PDE3A: variants seen among roughly 807,000 people sequenced by gnomAD.
PDE3A encodes the protein phosphodiesterase 3A, also known as cGMP-inhibited 3',5'-cyclic phosphodiesterase 3A.
PDE3A carries 43 observed loss-of-function variants against 98.3 expected under a neutral mutation model. The ratio of observed to expected loss-of-function variants is 0.44; its 90% CI spans 0.34 to 0.56. The LOEUF (loss-of-function observed/expected upper bound fraction) is 0.56, where lower values mean the gene tolerates loss of function less well. Ranked by LOEUF, PDE3A falls within the 20% of genes least tolerant of loss-of-function variation. PDE3A has a pLI of 0.01. For missense variants in PDE3A, 1,427 were observed against 1,440.7 expected (o/e 0.99, Z 0.15); for synonymous variants, 663 against 567.9 (o/e 1.17, Z -2.38).
Position 20,552,234 on chromosome 12 carries a change from G to A in PDE3A, c.961-4426G>A, listed in dbSNP as rs1942230891. 2 of 1,613,864 alleles carry A rather than the reference G, an allele frequency of 1.2e-6. No individual in the cohort carries two copies. Among genetic ancestry groups the A allele is most frequent in the African/African-American group, 2.7e-5 (2 of 74,918 alleles). ...GGCGGTCGGGGAAGCCGGTCAGGGT[G>A]GTGCGCAATGTCAAGGGTGGCAAGA... is the stretch of plus-strand genomic sequence containing the variant. On this transcript the variant is annotated intron_variant, in intron 1 of 15. Coordinates refer to ENST00000359062, the MANE Select transcript of PDE3A (RefSeq NM_000921.5). The surrounding 1 kb of genome is among the most constrained non-coding windows in gnomAD (Gnocchi z 5.1).
At chr12:20,478,907 G>T (rs1945576177) in intron 1 of PDE3A, among the ~76,000 whole-genome samples, 1 of 152,112 alleles carries the variant, frequency 6.6e-6, no homozygotes, top group South Asian at 2.1e-4. Context: ...ATGTCTACCA[G>T]CCTTCTGAAT....
Position 20,639,915 on chromosome 12 carries a change from A to T in PDE3A, c.2209A>T (p.Asn737Tyr). Reference sequence around the variant, plus strand: ...TAAAATTCCAATTAGGGAATTTATGAATTATTTTCATGCTTTGGAGATTGG... The same window carrying T: ...TAAAATTCCAATTAGGGAATTTATGTATTATTTTCATGCTTTGGAGATTGG... ...AFKIPIREFMNYFHALEIGYR... is the reference protein window; with the variant it reads ...AFKIPIREFMYYFHALEIGYR... Residue 737 changes from asparagine (N) to tyrosine (Y), a missense_variant, in exon 10 of 16, where the codon AAT (asparagine) becomes TAT (tyrosine). Asn to Tyr is a moderately radical substitution (Grantham distance 143). Around this residue, in one of 3 missense-constraint regions of PDE3A, gnomAD observed 273 missense variants for 420.3 expected, o/e 0.65. Coordinates refer to ENST00000359062, the MANE Select transcript of PDE3A (RefSeq NM_000921.5). The T allele has an allele frequency of 6.4e-7, 1 of 1,563,764 alleles. No individual in the cohort carries two copies. The highest frequency in any genetic ancestry group is 8.8e-7 in the Non-Finnish European group (1 of 1,135,074).
At chr12:20,475,597 G>C (rs1488745657) in intron 1 of PDE3A, among the ~76,000 whole-genome samples, 1 of 151,934 alleles carries the variant, frequency 6.6e-6, no homozygotes, top group Non-Finnish European at 1.5e-5. Flanking sequence ...AGACATGTTG[G>C]CACATGCCTG....
chr12:20,444,686 G>A (rs1350925510), intron 1 of PDE3A, among the ~76,000 whole-genome samples: 1 of 152,158 alleles, frequency 6.6e-6, no homozygotes, highest in Non-Finnish European at 1.5e-5. Flanking sequence ...GAACAAGCCA[G>A]GACTCAGTGT....
intron 15 of PDE3A, among the ~76,000 whole-genome samples, chr12:20,669,927 C>A (rs1945426071): frequency 6.6e-6 from 1 of 151,940 alleles, no homozygotes; most frequent in Admixed American, 6.6e-5. Flanking sequence ...GAGTCAAGAC[C>A]AATCAGTGTG....
At chr12:20,520,225 C>G (rs1946397332) in intron 1 of PDE3A, among the ~76,000 whole-genome samples, 1 of 152,008 alleles carries the variant, frequency 6.6e-6, no homozygotes, top group South Asian at 2.1e-4. Flanking sequence ...AATAAAAAAC[C>G]ATCTATGCCA....
At chr12:20,662,712 T>TA (rs140526545) in intron 15 of PDE3A, among the ~76,000 whole-genome samples, 4,253 of 152,318 alleles carry the variant, frequency 0.028, 86 homozygotes, top group Non-Finnish European at 0.043. Context: ...AGACATGGTT[T>TA]GGAATTGGAA....
intron 6 of PDE3A, among the ~76,000 whole-genome samples, chr12:20,631,170 A>G (rs1318611081): frequency 2.0e-5 from 3 of 152,128 alleles, no homozygotes; most frequent in Admixed American, 1.3e-4. Flanking sequence ...CCAGAGCCAA[A>G]GTTATTCTAC....
chr12:20,659,685 C>T (rs1400524860), intron 15 of PDE3A, among the ~76,000 whole-genome samples: 1 of 152,136 alleles, frequency 6.6e-6, no homozygotes, highest in East Asian at 1.9e-4. Context: ...GATCCTCTTG[C>T]TTCAGCCTCC....
At chr12:20,389,336 T>A (rs1476489272) in intron 1 of PDE3A, among the ~76,000 whole-genome samples, 1 of 151,782 alleles carries the variant, frequency 6.6e-6, no homozygotes, top group East Asian at 1.9e-4. Flanking sequence ...AAACTAGAGG[T>A]TATCCACTGA....
At chr12:20,566,893 C>T (rs187845627) in intron 2 of PDE3A, among the ~76,000 whole-genome samples, 37 of 151,914 alleles carry the variant, frequency 2.4e-4, no homozygotes, top group African/African-American at 8.4e-4. Flanking sequence ...TTCAGGTGTA[C>T]GGTGACTTAG....
At chr12:20,668,607 AG>A (rs1945386596) in intron 15 of PDE3A, among the ~76,000 whole-genome samples, 1 of 152,134 alleles carries the variant, frequency 6.6e-6, no homozygotes, top group African/African-American at 2.4e-5. Flanking sequence ...CTCACATGGC[AG>A]GGTACTCCAA....
chr12:20,398,051 GT>G (rs57766880), intron 1 of PDE3A, among the ~76,000 whole-genome samples: 3 of 137,506 alleles, frequency 2.2e-5, no homozygotes, highest in East Asian at 2.1e-4. Context: ...TTTTTTTTTT[GT>G]TTTTTTTTTC....
chr12:20,687,020 C>T lies in PDE3A; in HGVS notation c.*6749C>T, dbSNP rs1945984650. Among the ~76,000 whole-genome samples the T allele has an allele frequency of 2.0e-5, 3 of 152,034 alleles. No homozygotes were observed. The highest frequency in any genetic ancestry group is 7.2e-5 in the African/African-American group (3 of 41,414). ...TGACAAGGAGCACTTATACATGTTT[C>T]CAAATGTGAATTAGCCCTTGAATTA... On this transcript the variant is annotated 3_prime_UTR_variant, in exon 16 of 16. Transcript: ENST00000359062.
chr12:20,597,239 A>G (rs1418542611), intron 2 of PDE3A, among the ~76,000 whole-genome samples: 1 of 152,172 alleles, frequency 6.6e-6, no homozygotes, highest in Non-Finnish European at 1.5e-5. Context: ...CATTCTCAAA[A>G]ACCAGTAAGC....
chr12:20,561,565 T>A (rs548672278), intron 2 of PDE3A, among the ~76,000 whole-genome samples: 1 of 151,834 alleles, frequency 6.6e-6, no homozygotes, highest in Non-Finnish European at 1.5e-5. Context: ...TGTCAGGTAC[T>A]TTTTTTTAGC....
rs934024861 is a variant in PDE3A, at chr12:20,369,317, G to A, written c.33G>A (p.Arg11=). 3.9e-5 allele frequency: 61 copies of A among 1,545,016 alleles called. No homozygotes were observed. The highest frequency in any genetic ancestry group is 5.0e-5 in the Non-Finnish European group (57 of 1,144,314). Residue 11 remains arginine, a synonymous_variant, in exon 1 of 16, where the codon AGG becomes AGA. Coordinates refer to ENST00000359062, the MANE Select transcript of PDE3A (RefSeq NM_000921.5). The part of the protein sequence containing the change: MAVPGDAARV[R]DKPVHSGVSQ... ...TGCCCGGCGACGCTGCACGAGTCAG[G>A]GACAAGCCCGTCCACAGTGGGGTGA... is the stretch of plus-strand genomic sequence containing the variant.
At chr12:20,566,408 ATTTCC>A in intron 2 of PDE3A, among the ~76,000 whole-genome samples, 2 of 151,884 alleles carry the variant, frequency 1.3e-5, no homozygotes, top group Non-Finnish European at 2.9e-5. Context: ...CTCTACAACT[ATTTCC>A]ATTTTAGAAT....
Position 20,577,778 on chromosome 12 carries a change from A to T in PDE3A, c.1011+21068A>T, listed in dbSNP as rs567352199. ...CTGTGGCACAGAAATGGAATTTAAC[A>T]CATACAGGAAATGTGCAGTCATTTT... On this transcript the variant is annotated intron_variant, in intron 2 of 15. Transcript: ENST00000359062. Among the ~76,000 whole-genome samples, 7 of 152,312 alleles carry T rather than the reference A, an allele frequency of 4.6e-5. No individual in the cohort carries two copies. The South Asian group carries it at 1.4e-3, about 32-fold the overall frequency.
Sources: gnomAD v4.1 joint callset for allele counts (sites outside exome capture counted in the v4.1 genomes callset) on GRCh38, gnomAD v4.1.1 for gene constraint, gnomAD v4.1.1 regional missense constraint, Gnocchi (gnomAD v3.1) non-coding constraint, MANE v1.5 for transcripts, NCBI Gene and HGNC (gene_info 2026-07-23, HGNC 2026-07-21) for gene names.